The following PTPRN2 variants were observed in gnomAD, a reference collection of about 807,000 sequenced individuals.
PTPRN2 encodes receptor-type tyrosine-protein phosphatase N2.
In PTPRN2, 74 loss-of-function variants were observed where a neutral mutation model predicts 118.8. That is an observed-to-expected ratio of 0.62 (90% CI 0.52 to 0.76). PTPRN2 has a LOEUF of 0.76. PTPRN2 is among the 30% of genes least tolerant of loss of function. The pLI, the probability that PTPRN2 is intolerant of heterozygous loss-of-function variation, is 0.00. For synonymous variants in PTPRN2, 641 were observed against 608.0 expected (o/e 1.05, Z -0.80); for missense variants, 1,481 against 1,394.4 (o/e 1.06, Z -0.99).
intron 11 of PTPRN2, among the ~76,000 whole-genome samples, chr7:158,077,735 C>T (rs1380126206): frequency 6.6e-6 from 1 of 152,160 alleles, no homozygotes; most frequent in African/African-American, 2.4e-5. Context: ...GGGTGAGGGT[C>T]TCTGCAGACT....
intron 11 of PTPRN2, among the ~76,000 whole-genome samples, chr7:157,993,998 G>T (rs1585160291): frequency 6.6e-6 from 1 of 152,312 alleles, no homozygotes; most frequent in East Asian, 1.9e-4. Flanking sequence ...ATGCACGGCT[G>T]CAGTTTACAC....
intron 12 of PTPRN2, among the ~76,000 whole-genome samples, chr7:157,879,111 A>G (rs1795967841): frequency 1.4e-5 from 2 of 138,096 alleles, no homozygotes; most frequent in African/African-American, 2.8e-5. Context: ...GTGCACCCAC[A>G]CTTACTCACC....
chr7:158,336,980 GC>G (rs1383062184), intron 2 of PTPRN2, among the ~76,000 whole-genome samples: 4 of 15,546 alleles, frequency 2.6e-4, no homozygotes, highest in African/African-American at 4.4e-4. Context: ...AAGAGCTGAT[GC>G]CCGCAGACGT....
At chr7:157,979,092 C>T (rs1802950405) in intron 11 of PTPRN2, among the ~76,000 whole-genome samples, 1 of 152,074 alleles carries the variant, frequency 6.6e-6, no homozygotes, top group Non-Finnish European at 1.5e-5. Context: ...TACCTGCCAT[C>T]TCCCATCGCC....
Position 157,841,316 on chromosome 7 carries a change from C to T in PTPRN2, c.1788+57357G>A, listed in dbSNP as rs534872422. Among the ~76,000 whole-genome samples the T allele has an allele frequency of 7.9e-5, 12 of 152,338 alleles. No homozygotes were observed. The South Asian group carries it at 1.0e-3, about 13-fold the overall frequency. ...ATCGGTGAAGAGACAAAACTGTGAA[C>T]GAGGACATTATCTAAAGTGCAGAGC... On this transcript the variant is annotated intron_variant, in intron 12 of 22. Coordinates refer to ENST00000389418, the MANE Select transcript of PTPRN2 (RefSeq NM_002847.5).
intron 3 of PTPRN2, among the ~76,000 whole-genome samples, chr7:158,251,494 G>A (rs1428283202): frequency 1.3e-5 from 2 of 151,388 alleles, no homozygotes; most frequent in African/African-American, 4.9e-5. Context: ...CACGTGTGGT[G>A]TGTGCAGGTG....
chr7:157,955,082 T>G (rs560440775), intron 11 of PTPRN2, among the ~76,000 whole-genome samples: 3 of 152,074 alleles, frequency 2.0e-5, no homozygotes, highest in Non-Finnish European at 4.4e-5. Context: ...AGGAGCCCCC[T>G]GGAGATGCAG....
chr7:157,727,453 G>A (rs1799662185), intron 12 of PTPRN2, among the ~76,000 whole-genome samples: 1 of 152,174 alleles, frequency 6.6e-6, no homozygotes, highest in South Asian at 2.1e-4. Context: ...GACACAGACT[G>A]TGTGATTCCA....
intron 15 of PTPRN2, among the ~76,000 whole-genome samples, chr7:157,612,959 C>G (rs1802467828): frequency 6.6e-6 from 1 of 152,108 alleles, no homozygotes; most frequent in Admixed American, 6.5e-5. Flanking sequence ...GTCTGCGGCT[C>G]CGTGAAGACA....
intron 11 of PTPRN2, among the ~76,000 whole-genome samples, chr7:158,073,748 G>C (rs1812130891): frequency 6.6e-6 from 1 of 151,228 alleles, no homozygotes; most frequent in Admixed American, 6.6e-5. Flanking sequence ...GGAAAGAGTG[G>C]AAACAGCATT....
intron 2 of PTPRN2, among the ~76,000 whole-genome samples, chr7:158,372,705 G>A (rs541745179): frequency 1.4e-4 from 21 of 152,348 alleles, no homozygotes; most frequent in African/African-American, 5.1e-4. Flanking sequence ...GACAGCCCCA[G>A]CATCTAGTCA....
At chr7:158,225,913 AG>A (rs1025309657) in intron 3 of PTPRN2, among the ~76,000 whole-genome samples, 12 of 99,080 alleles carry the variant, frequency 1.2e-4, no homozygotes, top group African/African-American at 3.5e-4. Context: ...GCAGGAACAG[AG>A]GGAGGGGAGT....
intron 12 of PTPRN2, among the ~76,000 whole-genome samples, chr7:157,702,662 A>G (rs1242787): frequency 0.23 from 35,140 of 152,216 alleles, 4,738 homozygotes; most frequent in African/African-American, 0.35. Context: ...AAAGGCAGGC[A>G]GCAGCTCAGC....
At chr7:157,768,545 G>T (rs1802620392) in intron 12 of PTPRN2, among the ~76,000 whole-genome samples, 2 of 152,132 alleles carry the variant, frequency 1.3e-5, no homozygotes, top group African/African-American at 4.8e-5. Flanking sequence ...ATGACGTGAG[G>T]CTCCCCAGCT....
At position 157,585,371 on chromosome 7, in the gene PTPRN2, G is replaced by A. The variant is rs914482145; in HGVS notation, c.2497-7231C>T. Among the ~76,000 whole-genome samples the A allele has an allele frequency of 6.6e-6, 1 of 152,208 alleles. No homozygotes were observed. Among genetic ancestry groups the A allele is most frequent in the Non-Finnish European group, 1.5e-5 (1 of 68,030 alleles). Reference sequence around the variant, plus strand: ...GAGGACTTGCCACTCCACCAAAGTCGGGTCTGTGTTCTCCGGGAAGGACTC... The same window carrying A: ...GAGGACTTGCCACTCCACCAAAGTCAGGTCTGTGTTCTCCGGGAAGGACTC... On this transcript the variant is annotated intron_variant, in intron 17 of 22. Transcript: ENST00000389418. The surrounding 1 kb of genome is among the most constrained non-coding windows in gnomAD (Gnocchi z 5.2).
In PTPRN2 at chr7:157,674,647, G is replaced by A. The variant is rs553980819; in HGVS notation, c.2001+8078C>T. On this transcript the variant is annotated intron_variant, in intron 13 of 22. Coordinates refer to ENST00000389418, the MANE Select transcript of PTPRN2 (RefSeq NM_002847.5). This position sits in a 1 kb window ranked among gnomAD's most constrained non-coding sequence, Gnocchi z 4.5. ...TCACCACAGAGGCGCATTCTCTCTC[G>A]TGCCCATCAAGGCAGAGGCTGAGAA... Among the ~76,000 whole-genome samples the A allele has an allele frequency of 5.9e-5, 9 of 152,322 alleles. No individual in the cohort carries two copies. Among genetic ancestry groups the A allele is most frequent in the East Asian group, 1.9e-4 (1 of 5,174 alleles).
At chr7:158,429,554 C>T (rs558554504) in intron 2 of PTPRN2, among the ~76,000 whole-genome samples, 16 of 152,336 alleles carry the variant, frequency 1.1e-4, no homozygotes, top group Non-Finnish European at 1.8e-4. Flanking sequence ...CCCTCATTCC[C>T]GGCCTGGGAG....
At chr7:158,327,275 TCA>T (rs1482625789) in intron 2 of PTPRN2, among the ~76,000 whole-genome samples, 2 of 148,790 alleles carry the variant, frequency 1.3e-5, no homozygotes, top group South Asian at 2.2e-4. Context: ...ACACACGTGC[TCA>T]CACATGCTCA....
intron 12 of PTPRN2, among the ~76,000 whole-genome samples, chr7:157,706,343 T>C (rs1449092399): frequency 6.6e-6 from 1 of 151,996 alleles, no homozygotes; most frequent in African/African-American, 2.4e-5. Flanking sequence ...TGAGTGAATC[T>C]GACCCAGTGC....
Sources: gnomAD v4.1 joint callset for allele counts (sites outside exome capture counted in the v4.1 genomes callset) on GRCh38, gnomAD v4.1.1 for gene constraint, Gnocchi (gnomAD v3.1) non-coding constraint, MANE v1.5 for transcripts, NCBI Gene and HGNC (gene_info 2026-07-23, HGNC 2026-07-21) for gene names.